ST6GALNAC3: variants seen among roughly 807,000 people sequenced by gnomAD.
ST6GALNAC3 encodes the protein alpha-N-acetylgalactosaminide alpha-2,6-sialyltransferase 3.
A neutral mutation model predicts 32.7 loss-of-function variants in ST6GALNAC3; 25 were observed. The ratio of observed to expected loss-of-function variants is 0.76; its 90% CI spans 0.56 to 1.07. The LOEUF (loss-of-function observed/expected upper bound fraction) is 1.07. ST6GALNAC3 is among the 50% of genes least tolerant of loss of function. The pLI, the probability that ST6GALNAC3 is intolerant of heterozygous loss-of-function variation, is 0.00. For missense variants in ST6GALNAC3, 355 were observed against 382.4 expected, an observed-to-expected ratio of 0.93 and a Z score of 0.60; for synonymous variants, 129 against 133.1, an observed-to-expected ratio of 0.97 and a Z score of 0.21.
At chr1:76,264,127 C>G (rs1658400001) in intron 1 of ST6GALNAC3, among the ~76,000 whole-genome samples, 2 of 152,158 alleles carry the variant, frequency 1.3e-5, no homozygotes, top group South Asian at 4.1e-4. Context: ...CTATTCCCCA[C>G]ATTTTACAGA....
chr1:76,391,134 G>A (rs145517674), intron 2 of ST6GALNAC3, among the ~76,000 whole-genome samples: 11,204 of 151,866 alleles, frequency 0.074, 470 homozygotes, highest in Middle Eastern at 0.12. Flanking sequence ...TAGAGATGGA[G>A]TTTCACCGTG....
intron 1 of ST6GALNAC3, among the ~76,000 whole-genome samples, chr1:76,191,896 C>T (rs926610617): frequency 7.2e-5 from 11 of 151,876 alleles, no homozygotes; most frequent in Non-Finnish European, 1.3e-4. Flanking sequence ...TTATTTTTAC[C>T]GATGATGGAG....
intron 2 of ST6GALNAC3, among the ~76,000 whole-genome samples, chr1:76,367,943 G>A (rs1650507941): frequency 1.3e-5 from 2 of 152,170 alleles, no homozygotes; most frequent in Non-Finnish European, 2.9e-5. Context: ...ATCACTGTGA[G>A]TCTGACTTGC....
intron 3 of ST6GALNAC3, among the ~76,000 whole-genome samples, chr1:76,479,855 A>C (rs1659608678): frequency 6.6e-6 from 1 of 152,238 alleles, no homozygotes; most frequent in African/African-American, 2.4e-5. Context: ...ATTTAAAAAA[A>C]GTAATTAAGA....
intron 1 of ST6GALNAC3, among the ~76,000 whole-genome samples, chr1:76,140,802 T>A (rs1482877969): frequency 9.0e-5 from 13 of 144,952 alleles, no homozygotes; most frequent in Non-Finnish European, 1.8e-4. Context: ...TTCTAATTTT[T>A]TTTTTTTTTT....
At chr1:76,098,425 C>G (rs896698906) in intron 1 of ST6GALNAC3, among the ~76,000 whole-genome samples, 1 of 152,104 alleles carries the variant, frequency 6.6e-6, no homozygotes, top group African/African-American at 2.4e-5. Context: ...ACAGAAGTTC[C>G]TTTTGCTTCT....
intron 3 of ST6GALNAC3, among the ~76,000 whole-genome samples, chr1:76,620,886 T>C (rs1648599171): frequency 6.6e-6 from 1 of 152,060 alleles, no homozygotes; most frequent in Admixed American, 6.6e-5. Context: ...GGGGTTCCAT[T>C]GTTCAGTTAA....
At chr1:76,574,368 C>A (rs1646766314) in intron 3 of ST6GALNAC3, among the ~76,000 whole-genome samples, 1 of 152,034 alleles carries the variant, frequency 6.6e-6, no homozygotes, top group African/African-American at 2.4e-5. Context: ...TAAGTAGAAT[C>A]TATTAGGACC....
intron 2 of ST6GALNAC3, among the ~76,000 whole-genome samples, chr1:76,385,839 A>C (rs1005691092): frequency 1.3e-5 from 2 of 152,106 alleles, no homozygotes; most frequent in African/African-American, 4.8e-5. Flanking sequence ...AGCTGCATAA[A>C]TTAGTGTAAG....
At chr1:76,578,904 A>AT (rs1379961859) in intron 3 of ST6GALNAC3, among the ~76,000 whole-genome samples, 6 of 152,064 alleles carry the variant, frequency 3.9e-5, no homozygotes, top group Admixed American at 1.3e-4. Context: ...ATACCTATGC[A>AT]TACACAAATT....
intron 3 of ST6GALNAC3, among the ~76,000 whole-genome samples, chr1:76,478,654 C>T (rs1659506178): frequency 6.6e-6 from 1 of 151,988 alleles, no homozygotes; most frequent in African/African-American, 2.4e-5. Flanking sequence ...AAAGATACCC[C>T]TAGTACTACT....
At chr1:76,322,599 T>C (rs1646988219) in intron 2 of ST6GALNAC3, among the ~76,000 whole-genome samples, 1 of 152,204 alleles carries the variant, frequency 6.6e-6, no homozygotes, top group Non-Finnish European at 1.5e-5. Flanking sequence ...AAAGGTAATT[T>C]GTCACTAAGT....
chr1:76,445,894 A>G (rs1571252009), intron 3 of ST6GALNAC3, among the ~76,000 whole-genome samples: 1 of 152,176 alleles, frequency 6.6e-6, no homozygotes, highest in African/African-American at 2.4e-5. Flanking sequence ...ATTTATGCCC[A>G]TGGTTCTAAA....
intron 1 of ST6GALNAC3, among the ~76,000 whole-genome samples, chr1:76,211,090 C>T (rs979555931): frequency 2.0e-5 from 3 of 152,222 alleles, no homozygotes; most frequent in South Asian, 2.1e-4. Flanking sequence ...ACCTCACTTA[C>T]TCTTAATTAC....
chr1:76,583,378 A>G (rs1646918345), intron 3 of ST6GALNAC3, among the ~76,000 whole-genome samples: 2 of 152,194 alleles, frequency 1.3e-5, no homozygotes, highest in African/African-American at 4.8e-5. Flanking sequence ...ATTGACATGC[A>G]GGGCTTCCAG....
In ST6GALNAC3 at chr1:76,415,802, CT is replaced by C. The variant is rs1485508818; in HGVS notation, c.623+3388del. Among the ~76,000 whole-genome samples, 13 of 152,088 alleles carry C rather than the reference CT, an allele frequency of 8.5e-5. No individual in the cohort carries two copies. The South Asian group carries it at 2.5e-3, about 29-fold the overall frequency. On this transcript the variant is annotated intron_variant, in intron 3 of 4. Transcript: ENST00000328299. ...TGCTGCTCATTGCTACTGGATTGGT[CT>C]TTGTTTCTTGGGCTTTACAGAGGAC...
At chr1:76,180,019 C>T (rs1215395977) in intron 1 of ST6GALNAC3, among the ~76,000 whole-genome samples, 1 of 152,194 alleles carries the variant, frequency 6.6e-6, no homozygotes, top group African/African-American at 2.4e-5. Context: ...CACATTTCAT[C>T]ATCTGACATT....
intron 3 of ST6GALNAC3, among the ~76,000 whole-genome samples, chr1:76,426,594 AAGAG>A (rs919359285): frequency 1.2e-4 from 18 of 150,984 alleles, no homozygotes; most frequent in Non-Finnish European, 2.5e-4. Flanking sequence ...GAGAGAGAGA[AAGAG>A]AGAGAGAGAA....
chr1:76,464,580 A>G (rs1658501765), intron 3 of ST6GALNAC3, among the ~76,000 whole-genome samples: 1 of 152,210 alleles, frequency 6.6e-6, no homozygotes, highest in South Asian at 2.1e-4. Flanking sequence ...AAGTGTTGCC[A>G]TCTGTTCTCA....
Sources: allele counts gnomAD v4.1 joint callset (sites outside exome capture counted in the v4.1 genomes callset), GRCh38; gene constraint gnomAD v4.1.1; transcripts MANE v1.5; gene names NCBI Gene and HGNC (gene_info 2026-07-23, HGNC 2026-07-21).